VGLL4: variants seen among roughly 807,000 people sequenced by gnomAD.
VGLL4 encodes the protein vestigial like family member 4, also known as transcription cofactor vestigial-like protein 4.
Under a neutral mutation model 21.0 loss-of-function variants are expected in VGLL4, and 7 were observed. The ratio of observed to expected loss-of-function variants is 0.33; its 90% CI spans 0.19 to 0.63. The LOEUF is 0.63. VGLL4 is among the 20% of genes least tolerant of loss of function. The pLI is 0.78. For synonymous variants in VGLL4, 222 were observed against 173.2 expected, an observed-to-expected ratio of 1.28 and a Z score of -2.21; for missense variants, 394 against 425.7, an observed-to-expected ratio of 0.93 and a Z score of 0.66.
intron 1 of VGLL4, among the ~76,000 whole-genome samples, chr3:11,718,474 ACT>A (rs1158461431): frequency 1.3e-5 from 2 of 151,992 alleles, no homozygotes; most frequent in Non-Finnish European, 1.5e-5. Flanking sequence ...TCATGCGCAG[ACT>A]CTTCATTAGA....
intron 1 of VGLL4, among the ~76,000 whole-genome samples, chr3:11,710,874 C>G (rs984581996): frequency 6.6e-6 from 1 of 151,870 alleles, no homozygotes; most frequent in Non-Finnish European, 1.5e-5. Flanking sequence ...CTGAGGCAGG[C>G]AGATCACTTG....
intron 2 of VGLL4, among the ~76,000 whole-genome samples, chr3:11,587,920 C>A (rs1428692408): frequency 1.3e-5 from 2 of 152,214 alleles, no homozygotes; most frequent in Non-Finnish European, 2.9e-5. Context: ...ACGGGCAGGG[C>A]TGGTGCTACC....
intron 1 of VGLL4, among the ~76,000 whole-genome samples, chr3:11,709,189 G>A (rs1382036712): frequency 6.6e-6 from 1 of 152,056 alleles, no homozygotes; most frequent in African/African-American, 2.4e-5. Context: ...TGTAATCCCA[G>A]TACTTTGGGA....
chr3:11,645,845 G>A (rs966944835), upstream of VGLL4, among the ~76,000 whole-genome samples: 1 of 151,982 alleles, frequency 6.6e-6, no homozygotes, highest in South Asian at 2.1e-4. Flanking sequence ...AGTGGCATGT[G>A]TCTGTAATCC....
chr3:11,616,199 GCCTCCCACCTCC>G (rs1480449502), intron 1 of VGLL4, among the ~76,000 whole-genome samples: 2 of 151,798 alleles, frequency 1.3e-5, no homozygotes, highest in Non-Finnish European at 1.5e-5. Context: ...CGCAGGGGAT[GCCTCCCACCTCC>G]CCTCCCACCT....
At chr3:11,640,994 G>A (rs192220456) in intron 1 of VGLL4, among the ~76,000 whole-genome samples, 1 of 152,028 alleles carries the variant, frequency 6.6e-6, no homozygotes, top group East Asian at 1.9e-4. Context: ...GCAGGCACCT[G>A]TAATCCCAGC....
chr3:11,638,521 TTCTC>T (rs199715707), intron 1 of VGLL4, among the ~76,000 whole-genome samples: 55 of 151,590 alleles, frequency 3.6e-4, no homozygotes, highest in African/African-American at 1.3e-3. Flanking sequence ...CCTAGTTTCT[TTCTC>T]TCTCTCTCTG....
chr3:11,628,768 A>C (rs964395581), intron 1 of VGLL4, among the ~76,000 whole-genome samples: 10 of 152,180 alleles, frequency 6.6e-5, no homozygotes, highest in African/African-American at 1.7e-4. Context: ...TGCAGTGAGC[A>C]GAGATCGCAC....
chr3:11,640,595 T>C (rs988800740), intron 1 of VGLL4, among the ~76,000 whole-genome samples: 3 of 152,274 alleles, frequency 2.0e-5, no homozygotes, highest in Admixed American at 2.0e-4. Context: ...CTCCCTAACG[T>C]CTCCTTCTCC....
intron 2 of VGLL4, among the ~76,000 whole-genome samples, chr3:11,594,879 C>T (rs757215794): frequency 6.6e-6 from 1 of 152,250 alleles, no homozygotes; most frequent in Non-Finnish European, 1.5e-5. Flanking sequence ...AACACGAAGG[C>T]GGCCAGGCAC....
chr3:11,656,423 G>A (rs981591412), intron 2 of VGLL4, among the ~76,000 whole-genome samples: 3 of 152,192 alleles, frequency 2.0e-5, no homozygotes, highest in African/African-American at 7.2e-5. Context: ...GGAGTTCCCA[G>A]GGGTGCTGGT....
At chr3:11,634,367 G>A (rs1040937999) in intron 1 of VGLL4, among the ~76,000 whole-genome samples, 4 of 151,998 alleles carry the variant, frequency 2.6e-5, no homozygotes, top group Non-Finnish European at 4.4e-5. Context: ...TCCCTGCCAG[G>A]CTCCTCCCCT....
At chr3:11,679,099 C>T (rs1424998539) in intron 2 of VGLL4, among the ~76,000 whole-genome samples, 2 of 152,156 alleles carry the variant, frequency 1.3e-5, no homozygotes, top group Non-Finnish European at 2.9e-5. Flanking sequence ...TACTTTTTAT[C>T]ACTCCTTTAG....
intron 1 of VGLL4, among the ~76,000 whole-genome samples, chr3:11,630,773 GTA>G (rs1559911612): frequency 6.6e-6 from 1 of 152,122 alleles, no homozygotes; most frequent in African/African-American, 2.4e-5. Context: ...AAAGTTAAAC[GTA>G]CCCAATAATC....
chr3:11,588,933 C>T (rs2074420787), intron 2 of VGLL4, among the ~76,000 whole-genome samples: 1 of 152,160 alleles, frequency 6.6e-6, no homozygotes, highest in Non-Finnish European at 1.5e-5. Context: ...CAAGTCCAGC[C>T]ACGGGTTCAT....
At chr3:11,667,842 C>CTTTTTTTTT (rs746416276) in intron 2 of VGLL4, among the ~76,000 whole-genome samples, 20 of 69,334 alleles carry the variant, frequency 2.9e-4, no homozygotes, top group East Asian at 4.7e-4. Context: ...CTATCTTCTT[C>CTTTTTTTTT]TTTTTTTTTT....
chr3:11,665,427 A>G (rs2076106879), intron 2 of VGLL4, among the ~76,000 whole-genome samples: 1 of 151,958 alleles, frequency 6.6e-6, no homozygotes, highest in Non-Finnish European at 1.5e-5. Context: ...ATCTTAATCC[A>G]CTCTAAAAAG....
intron 2 of VGLL4, among the ~76,000 whole-genome samples, chr3:11,596,005 A>T (rs191849974): frequency 1.7e-4 from 26 of 151,142 alleles, no homozygotes; most frequent in East Asian, 1.4e-3. Flanking sequence ...AAGATAAAAT[A>T]AAAAAAAAGA....
chr3:11,628,620 A>T (rs1213135912), intron 1 of VGLL4, among the ~76,000 whole-genome samples: 2 of 151,738 alleles, frequency 1.3e-5, no homozygotes, highest in East Asian at 3.9e-4. Context: ...GGAGATTGAG[A>T]CCATCCTAGC....
Sources: allele counts gnomAD v4.1 joint callset (sites outside exome capture counted in the v4.1 genomes callset), GRCh38; gene constraint gnomAD v4.1.1; transcripts MANE v1.5; gene names NCBI Gene and HGNC (gene_info 2026-07-23, HGNC 2026-07-21).